Variants in APOLD1 observed in about 807,000 individuals in gnomAD.
APOLD1 encodes the protein apolipoprotein L domain containing 1.
In APOLD1, 22 loss-of-function variants were observed where a neutral mutation model predicts 15.3. The ratio of observed to expected loss-of-function variants is 1.44; its 90% CI spans 1.03 to 2.05. The LOEUF (loss-of-function observed/expected upper bound fraction) is 2.05, where lower values mean the gene tolerates loss of function less well. APOLD1 is among the 30% of genes most tolerant of loss of function. APOLD1 has a pLI of 0.00. For synonymous variants in APOLD1, 190 were observed against 167.4 expected, an observed-to-expected ratio of 1.13 and a Z score of -1.04; for missense variants, 394 against 353.5, an observed-to-expected ratio of 1.11 and a Z score of -0.92.
chr12:12,764,651 T>C (rs572664350), intron 1 of APOLD1: 7 of 476,096 alleles, frequency 1.5e-5, no homozygotes, highest in Admixed American at 1.1e-4. Flanking sequence ...GATTTCTCGG[T>C]GAGTGCGTTT....
At chr12:12,750,539 A>C (rs1946804594) in intron 1 of APOLD1, among the ~76,000 whole-genome samples, 1 of 152,168 alleles carries the variant, frequency 6.6e-6, no homozygotes, top group Non-Finnish European at 1.5e-5. Flanking sequence ...CTTGGACATT[A>C]ATTTCTCCCT....
intron 1 of APOLD1, among the ~76,000 whole-genome samples, chr12:12,745,889 C>A (rs1411843789): frequency 1.3e-5 from 2 of 152,044 alleles, no homozygotes; most frequent in South Asian, 2.1e-4. Context: ...AGAAAGGTTG[C>A]AAGAAGAAGC....
At chr12:12,765,080 G>A (rs1462512418) in intron 1 of APOLD1, among the ~76,000 whole-genome samples, 1 of 152,144 alleles carries the variant, frequency 6.6e-6, no homozygotes, top group Non-Finnish European at 1.5e-5. Flanking sequence ...TTTTATGCAA[G>A]GGAGTGCTGG....
At chr12:12,766,131 C>T (rs1946941359) in intron 1 of APOLD1, among the ~76,000 whole-genome samples, 1 of 152,140 alleles carries the variant, frequency 6.6e-6, no homozygotes, top group Non-Finnish European at 1.5e-5. Context: ...TTTCTCTGCT[C>T]TTGGGGGAAT....
upstream of APOLD1, chr12:12,785,473 A>G: frequency 1.6e-6 from 1 of 642,670 alleles, no homozygotes; most frequent in Non-Finnish European, 2.6e-6. Flanking sequence ...CGAACACACA[A>G]TGTTCGTTTC....
At chr12:12,781,606 C>T (rs1228392654), upstream of APOLD1, among the ~76,000 whole-genome samples, 7 of 149,760 alleles carry the variant, frequency 4.7e-5, no homozygotes, top group African/African-American at 1.7e-4. Flanking sequence ...CTGCTCACTG[C>T]AAGCTCCACC....
In APOLD1 at chr12:12,736,679, C is replaced by T. The variant is rs528982729; in HGVS notation, c.96+10583C>T. On this transcript the variant is annotated intron_variant, in intron 1 of 1. Transcript: ENST00000326765. ...ACGTGGGAAAGAAAGTTCAAGCTTT[C>T]GCCTTGATAGTTCTCCATGATGCTG... Among the ~76,000 whole-genome samples, 8 of 152,308 alleles carry T rather than the reference C, an allele frequency of 5.3e-5. No individual in the cohort carries two copies. The East Asian group carries it at 7.7e-4, about 15-fold the overall frequency.
rs1481732978 is a variant in APOLD1, at chr12:12,791,005, G to T, written c.*3353G>T. 1 of 152,186 alleles carries T rather than the reference G, an allele frequency of 6.6e-6. No homozygotes were observed. The highest frequency in any genetic ancestry group is 6.5e-5 in the Admixed American group (1 of 15,276). 9.4% of individuals were successfully genotyped at this position (152,186 alleles called of 1,614,324 possible). The stretch of plus-strand genomic sequence containing the variant: ...AAAAATAGGTATGTTTGTTCTAAAT[G>T]TTTAAGTGCTTCTCTGTTAGGTTCT... On this transcript the variant is annotated 3_prime_UTR_variant, in exon 2 of 2. Transcript: ENST00000356591.
chr12:12,782,973 G>A (rs1047277354), upstream of APOLD1, among the ~76,000 whole-genome samples: 5 of 151,988 alleles, frequency 3.3e-5, no homozygotes, highest in African/African-American at 1.2e-4. Context: ...TGGGAGGCTG[G>A]GGCAGGTGGA....
At position 12,787,608 on chromosome 12, in the gene APOLD1, G is replaced by T; in HGVS notation, c.703G>T (p.Asp235Tyr). The T allele has an allele frequency of 6.2e-7, 1 of 1,610,042 alleles. No homozygotes were observed. ...CTGCACCAAGTCCAGTCGTGGCCAC[G>T]ACCTCAAGATCTCTGCTGACCAGCG... ...QLCTKSSRGHDLKISADQRAG... is the reference protein window; with the variant it reads ...QLCTKSSRGHYLKISADQRAG... Residue 235 changes from aspartate (D) to tyrosine (Y), a missense_variant, in exon 2 of 2, where the codon GAC (aspartate) becomes TAC (tyrosine). Asp to Tyr is a radical substitution (Grantham distance 160). Transcript: ENST00000356591. The surrounding 1 kb of genome is among the most constrained non-coding windows in gnomAD (Gnocchi z 4.9).
At chr12:12,774,042 T>C (rs1947008741) in intron 1 of APOLD1, among the ~76,000 whole-genome samples, 1 of 152,146 alleles carries the variant, frequency 6.6e-6, no homozygotes, top group African/African-American at 2.4e-5. Flanking sequence ...TGATTACTTT[T>C]CAGATACAAC....
At chr12:12,745,052 A>T (rs1467842044) in intron 1 of APOLD1, among the ~76,000 whole-genome samples, 1 of 152,170 alleles carries the variant, frequency 6.6e-6, no homozygotes, top group Non-Finnish European at 1.5e-5. Flanking sequence ...GGAAAAATGT[A>T]TTAAAATAAT....
intron 1 of APOLD1, among the ~76,000 whole-genome samples, chr12:12,770,892 A>C (rs1273198234): frequency 6.6e-6 from 1 of 152,132 alleles, no homozygotes; most frequent in Non-Finnish European, 1.5e-5. Flanking sequence ...TATAGAGAAG[A>C]AAAGAATTAC....
intron 1 of APOLD1, among the ~76,000 whole-genome samples, chr12:12,751,207 C>T (rs60624287): frequency 0.04 from 6,103 of 152,066 alleles, 355 homozygotes; most frequent in African/African-American, 0.12. Context: ...GGAAGGGTAA[C>T]GTCATGAAGG....
At chr12:12,753,524 C>A (rs1401760776) in intron 1 of APOLD1, among the ~76,000 whole-genome samples, 1 of 151,772 alleles carries the variant, frequency 6.6e-6, no homozygotes, top group East Asian at 1.9e-4. Flanking sequence ...AAAAATTTAG[C>A]CAGGCATGGT....
intron 1 of APOLD1, among the ~76,000 whole-genome samples, chr12:12,777,923 T>TTTTTTTTTG (rs1555092183): frequency 2.5e-5 from 3 of 121,574 alleles, no homozygotes; most frequent in Non-Finnish European, 3.4e-5. Flanking sequence ...TTTTTTTTTT[T>TTTTTTTTTG]TTGTTGTTGT....
At position 12,789,328 on chromosome 12, in the gene APOLD1, T is replaced by G. The variant is rs1430705816; in HGVS notation, c.*1676T>G. ...AGGGAGATTCTTTTTCTCTAGTGTT[T>G]TAAGTGATCCTTTGAAGTAAGTGTG... On this transcript the variant is annotated 3_prime_UTR_variant, in exon 2 of 2. Transcript: ENST00000356591. The G allele has an allele frequency of 6.6e-6, 1 of 152,212 alleles. No homozygotes were observed. Among genetic ancestry groups the G allele is most frequent in the Non-Finnish European group, 1.5e-5 (1 of 68,032 alleles). 9.4% of individuals were successfully genotyped at this position (152,212 alleles called of 1,614,324 possible).
chr12:12,726,307 C>A lies in APOLD1; in HGVS notation c.96+211C>A, dbSNP rs756571105. The A allele has an allele frequency of 3.3e-4, 217 of 659,436 alleles. 1 individual carries two copies. Among genetic ancestry groups the A allele is most frequent in the Middle Eastern group, 1.7e-3 (7 of 4,176 alleles). 40.8% of individuals were successfully genotyped at this position (659,436 alleles called of 1,614,324 possible). ...TTCTTTGATTTCCAGAGCGTTTTTG[C>A]GGGAGGAATATGTTAAAACAAACTC... On this transcript the variant is annotated intron_variant, in intron 1 of 1. Coordinates refer to the APOLD1 transcript ENST00000326765.
chr12:12,730,448 G>A (rs1946629735), intron 1 of APOLD1, among the ~76,000 whole-genome samples: 1 of 150,724 alleles, frequency 6.6e-6, no homozygotes, highest in Non-Finnish European at 1.5e-5. Context: ...TGGGAGGCCA[G>A]GGCGGGCAGA....
Sources: allele counts gnomAD v4.1 joint callset (sites outside exome capture counted in the v4.1 genomes callset), GRCh38; gene constraint gnomAD v4.1.1; non-coding constraint Gnocchi (gnomAD v3.1); transcripts MANE v1.5; gene names NCBI Gene and HGNC (gene_info 2026-07-23, HGNC 2026-07-21).